The following STPG2 variants were observed in gnomAD, a reference collection of about 807,000 sequenced individuals.
STPG2 encodes the protein sperm-tail PG-rich repeat-containing protein 2.
In STPG2, 56 loss-of-function variants were observed where a neutral mutation model predicts 54.2. The ratio of observed to expected loss-of-function variants is 1.03; its 90% CI spans 0.83 to 1.29. The LOEUF (loss-of-function observed/expected upper bound fraction) is 1.29, where lower values mean the gene tolerates loss of function less well. Among genes scored for constraint, STPG2 ranks in the 50% most tolerant of loss-of-function variants. The probability of loss-of-function intolerance (pLI) is 0.00; values close to 1 mark genes in which losing one functional copy is unlikely to be tolerated. For missense variants in STPG2, 596 were observed against 544.9 expected (o/e 1.09, Z -0.93); for synonymous variants, 200 against 181.8 (o/e 1.10, Z -0.81).
chr4:97,967,201 A>T (rs954602806), intron 7 of STPG2, among the ~76,000 whole-genome samples: 289 of 151,908 alleles, frequency 1.9e-3, no homozygotes, highest in African/African-American at 6.8e-3. Flanking sequence ...AAAAAAAAAA[A>T]AAGCAGTGAT....
In STPG2 at chr4:98,134,382, G is replaced by C. The variant is rs1357095102; in HGVS notation, c.187C>G (p.Pro63Ala). The change falls in exon 2 of 11, where the codon CCA becomes GCA. Residue 63 changes from proline to alanine, a missense_variant. By Grantham distance (27) the Pro-to-Ala change is conservative. Coordinates refer to ENST00000295268, the MANE Select transcript of STPG2 (RefSeq NM_174952.3). ...GAAACATTATAGTGTCCTGGACCTG[G>C]AACAGCTTTCTCAATGCTAGAGGCA... ...TIASSIEKAV[P>A]GPGHYNVSEA... 19 of 1,581,210 alleles carry C rather than the reference G, an allele frequency of 1.2e-5. No individual in the cohort carries two copies. Among genetic ancestry groups the C allele is most frequent in the Middle Eastern group, 1.7e-4 (1 of 5,964 alleles).
intron 9 of STPG2, among the ~76,000 whole-genome samples, chr4:97,798,380 G>T (rs1055847396): frequency 9.2e-5 from 14 of 151,948 alleles, no homozygotes; most frequent in African/African-American, 3.4e-4. Context: ...CTGGTATGTT[G>T]TGTCTTTGTT....
chr4:97,917,769 A>C (rs1265464424), intron 8 of STPG2, among the ~76,000 whole-genome samples: 2 of 152,104 alleles, frequency 1.3e-5, no homozygotes, highest in Admixed American at 6.5e-5. Flanking sequence ...GTCAAAGAAA[A>C]CCCACTCTCT....
intron 10 of STPG2, among the ~76,000 whole-genome samples, chr4:97,662,308 CA>C (rs1174007553): frequency 6.6e-6 from 1 of 151,992 alleles, no homozygotes; most frequent in Non-Finnish European, 1.5e-5. Context: ...CAGATAAATG[CA>C]AATCAAAACT....
intron 4 of STPG2, among the ~76,000 whole-genome samples, chr4:97,528,195 T>G (rs980175311): frequency 6.6e-6 from 1 of 152,166 alleles, no homozygotes; most frequent in Admixed American, 6.6e-5. Flanking sequence ...AAGAAACGGA[T>G]CCAGTTTCAG....
intron 4 of STPG2, among the ~76,000 whole-genome samples, chr4:97,514,688 TA>T (rs1731039039): frequency 6.6e-6 from 1 of 152,124 alleles, no homozygotes; most frequent in African/African-American, 2.4e-5. Context: ...GATGTTTAAA[TA>T]AAAGTTAAAA....
At chr4:97,541,794 C>A (rs896268479) in intron 4 of STPG2, among the ~76,000 whole-genome samples, 1 of 152,080 alleles carries the variant, frequency 6.6e-6, no homozygotes, top group Non-Finnish European at 1.5e-5. Context: ...TGGAACAGAA[C>A]AAAGCCCTCA....
chr4:98,018,194 A>T (rs1736033636), intron 5 of STPG2, among the ~76,000 whole-genome samples: 1 of 151,014 alleles, frequency 6.6e-6, no homozygotes. Flanking sequence ...CAGTCCCCAG[A>T]GTGTGATGTT....
At chr4:97,973,420 A>T (rs1022446183) in intron 6 of STPG2, among the ~76,000 whole-genome samples, 1 of 152,202 alleles carries the variant, frequency 6.6e-6, no homozygotes, top group South Asian at 2.1e-4. Flanking sequence ...ATTCAGTTTT[A>T]TAAGGAAAGC....
chr4:97,501,890 G>T (rs746338155), intron 4 of STPG2, among the ~76,000 whole-genome samples: 13 of 151,806 alleles, frequency 8.6e-5, no homozygotes, highest in Non-Finnish European at 1.8e-4. Context: ...AAAATGAGTT[G>T]AAATATAAGA....
chr4:97,846,056 C>T (rs1728939947), intron 8 of STPG2, among the ~76,000 whole-genome samples: 2 of 152,114 alleles, frequency 1.3e-5, no homozygotes, highest in South Asian at 4.1e-4. Context: ...CTGAACTCAG[C>T]ATCACTGATT....
At chr4:98,071,957 G>A (rs1313323921) in intron 5 of STPG2, among the ~76,000 whole-genome samples, 1 of 152,202 alleles carries the variant, frequency 6.6e-6, no homozygotes, top group Non-Finnish European at 1.5e-5. Context: ...TACACTGTTG[G>A]TGGGAGTGTA....
At chr4:97,488,473 T>G (rs1730425013) in intron 4 of STPG2, among the ~76,000 whole-genome samples, 1 of 151,734 alleles carries the variant, frequency 6.6e-6, no homozygotes, top group Non-Finnish European at 1.5e-5. Flanking sequence ...ACCCACTCTA[T>G]TATGTGTAAA....
At chr4:97,500,899 T>C (rs1306283481) in intron 4 of STPG2, among the ~76,000 whole-genome samples, 1 of 151,790 alleles carries the variant, frequency 6.6e-6, no homozygotes, top group Non-Finnish European at 1.5e-5. Context: ...CTATAGAAAA[T>C]ATTTTAAGGA....
chr4:98,040,890 T>C (rs1560650894), intron 5 of STPG2, among the ~76,000 whole-genome samples: 1 of 151,896 alleles, frequency 6.6e-6, no homozygotes, highest in Non-Finnish European at 1.5e-5. Flanking sequence ...GGAATTGCAT[T>C]AAATCTGTAG....
At chr4:98,041,124 G>C (rs545150889) in intron 5 of STPG2, among the ~76,000 whole-genome samples, 1 of 151,408 alleles carries the variant, frequency 6.6e-6, no homozygotes, top group African/African-American at 2.4e-5. Context: ...TTCTTGATTT[G>C]GTTCTCAGCT....
intron 10 of STPG2, among the ~76,000 whole-genome samples, chr4:97,573,372 C>A (rs1425526492): frequency 6.6e-6 from 1 of 151,932 alleles, no homozygotes; most frequent in Non-Finnish European, 1.5e-5. Flanking sequence ...AAGTAACAGA[C>A]CAATTCTGGC....
intron 4 of STPG2, among the ~76,000 whole-genome samples, chr4:97,526,142 A>C (rs1478571206): frequency 6.6e-6 from 1 of 152,050 alleles, no homozygotes; most frequent in Non-Finnish European, 1.5e-5. Context: ...TAGATTATTA[A>C]TTTGCAGGGT....
chr4:97,945,658 C>T (rs553861243), intron 7 of STPG2, among the ~76,000 whole-genome samples: 8 of 152,194 alleles, frequency 5.3e-5, no homozygotes, highest in African/African-American at 1.9e-4. Context: ...AGAGATTGTA[C>T]TAACTTACAC....
Sources: allele counts gnomAD v4.1 joint callset (sites outside exome capture counted in the v4.1 genomes callset), GRCh38; gene constraint gnomAD v4.1.1; transcripts MANE v1.5; gene names NCBI Gene and HGNC (gene_info 2026-07-23, HGNC 2026-07-21).